PRPF18: variants seen among roughly 807,000 people sequenced by gnomAD.
PRPF18 encodes the protein pre-mRNA processing factor 18.
PRPF18 carries 38 observed loss-of-function variants against 46.5 expected under a neutral mutation model. The observed-to-expected ratio is 0.82, with a 90% CI of 0.63 to 1.07. The LOEUF (loss-of-function observed/expected upper bound fraction) is 1.07, where lower values mean the gene tolerates loss of function less well. Among genes scored for constraint, PRPF18 ranks in the 50% least tolerant of loss-of-function variants. The pLI, the probability that PRPF18 is intolerant of heterozygous loss-of-function variation, is 0.00. For missense variants in PRPF18, 263 were observed against 410.0 expected, an observed-to-expected ratio of 0.64 and a Z score of 3.10; for synonymous variants, 152 against 146.7, an observed-to-expected ratio of 1.04 and a Z score of -0.26.
At chr10:13,634,829 G>A (rs2134149836), downstream of PRPF18, among the ~76,000 whole-genome samples, 1 of 152,166 alleles carries the variant, frequency 6.6e-6, no homozygotes, top group South Asian at 2.1e-4. Flanking sequence ...AAAATTGGTT[G>A]ACAACTCATT....
At chr10:13,587,435 G>A (rs924958659) in intron 1 of PRPF18, among the ~76,000 whole-genome samples, 2 of 152,220 alleles carry the variant, frequency 1.3e-5, no homozygotes, top group African/African-American at 2.4e-5. Context: ...GGAACCTGAG[G>A]CCAATTAACG....
At chr10:13,602,511 T>C (rs1329427239) in intron 3 of PRPF18, among the ~76,000 whole-genome samples, 1 of 131,396 alleles carries the variant, frequency 7.6e-6, no homozygotes, top group African/African-American at 2.6e-5. Flanking sequence ...TTTCATTATG[T>C]TTTTTTTTTT....
rs2080303878 is a variant in PRPF18 at position 13,613,817 on chromosome 10, A to G, written c.656A>G (p.Asn219Ser). 6.2e-7 allele frequency: 1 copy of G among 1,614,048 alleles called. No homozygotes were observed. The highest frequency in any genetic ancestry group is 1.7e-5 in the Admixed American group (1 of 59,988). The change falls in exon 7 of 10, where the codon AAC (asparagine) becomes AGC (serine). Residue 219 changes from asparagine (N) to serine (S), a missense_variant. Coordinates refer to ENST00000378572, the MANE Select transcript of PRPF18 (RefSeq NM_003675.4). ...AAACGCAGTGTGCAGGGTAAACTGA[A>G]CAGTGCGACCCAGAAACAGACCGAG... ...YVKRSVQGKL[N>S]SATQKQTESY...
At chr10:13,624,922 T>C (rs2080477312) in intron 9 of PRPF18, among the ~76,000 whole-genome samples, 1 of 152,120 alleles carries the variant, frequency 6.6e-6, no homozygotes, top group Non-Finnish European at 1.5e-5. Flanking sequence ...CTAAGATTCA[T>C]CAGACATTTG....
chr10:13,651,757 CAT>C, the PRPF18 span: 3 of 629,960 alleles, frequency 4.8e-6, no homozygotes, highest in Non-Finnish European at 5.8e-6. Flanking sequence ...CAGCTAAAAA[CAT>C]AGTTCCAGTT....
At chr10:13,604,479 T>C (rs2080157508) in intron 3 of PRPF18, among the ~76,000 whole-genome samples, 1 of 152,214 alleles carries the variant, frequency 6.6e-6, no homozygotes, top group African/African-American at 2.4e-5. Flanking sequence ...GGAAATAGAT[T>C]TTCAGCATCT....
rs758454254 is a variant in PRPF18 at position 13,587,160 on chromosome 10, C to T, written c.66+8C>T. 2.5e-6 allele frequency: 4 copies of T among 1,611,926 alleles called. No homozygotes were observed. Among genetic ancestry groups the T allele is most frequent in the African/African-American group, 1.3e-5 (1 of 74,966 alleles). On this transcript the variant is annotated splice_region_variant and intron_variant, in intron 1 of 9. Transcript: ENST00000378572. ...GACAGGAACCTGCTGGTGGTGAGGA[C>T]CCTGCGGTCGTGGGGGTCGGGATGT...
intron 9 of PRPF18, among the ~76,000 whole-genome samples, chr10:13,619,562 A>C (rs1263830987): frequency 1.3e-5 from 2 of 152,188 alleles, no homozygotes; most frequent in Non-Finnish European, 2.9e-5. Flanking sequence ...GTTTCAACTC[A>C]TGCGCCCAAG....
the PRPF18 span, chr10:13,646,009 G>T: frequency 6.6e-6 from 1 of 152,382 alleles, no homozygotes; most frequent in East Asian, 1.9e-4. Flanking sequence ...TCTTGGGCTC[G>T]GCTGAACCCC....
In PRPF18 at chr10:13,596,798, C is replaced by A. The variant is rs567577987; in HGVS notation, c.67-660C>A. Among the ~76,000 whole-genome samples the A allele has an allele frequency of 2.0e-5, 3 of 152,172 alleles. No homozygotes were observed. The South Asian group carries it at 6.2e-4, about 32-fold the overall frequency. On this transcript the variant is annotated intron_variant, in intron 1 of 9. Transcript: ENST00000378572. ...TGAACCCAGGGAGTCGAAGTTGTGG[C>A]CTTGATTGTGCCACTCCACTCCAGC...
At chr10:13,590,360 C>A (rs2079940862) in intron 1 of PRPF18, among the ~76,000 whole-genome samples, 1 of 150,798 alleles carries the variant, frequency 6.6e-6, no homozygotes, top group Non-Finnish European at 1.5e-5. Flanking sequence ...AATCCCAGCA[C>A]TTTGGGAGCC....
chr10:13,616,582 C>T (rs1376018972), intron 9 of PRPF18, 29 bp downstream of exon 9: 2 of 1,609,482 alleles, frequency 1.2e-6, no homozygotes, highest in Non-Finnish European at 1.7e-6. Flanking sequence ...CGGGAATTGC[C>T]CTGGAAGTGA....
intron 9 of PRPF18, among the ~76,000 whole-genome samples, chr10:13,620,108 A>G (rs2080401379): frequency 6.6e-6 from 1 of 152,188 alleles, no homozygotes; most frequent in Non-Finnish European, 1.5e-5. Flanking sequence ...TTCTCCTAAA[A>G]AAAAGACAAT....
At chr10:13,590,003 G>C (rs2079933978) in intron 1 of PRPF18, among the ~76,000 whole-genome samples, 1 of 151,918 alleles carries the variant, frequency 6.6e-6, no homozygotes, top group Non-Finnish European at 1.5e-5. Flanking sequence ...AAATCTAAGT[G>C]CTTTAAAGGG....
At chr10:13,601,161 T>C (rs927599164) in intron 3 of PRPF18, among the ~76,000 whole-genome samples, 2 of 152,240 alleles carry the variant, frequency 1.3e-5, no homozygotes, top group South Asian at 4.1e-4. Context: ...AACATCCTTA[T>C]GTAGACATCA....
chr10:13,623,862 C>T (rs1372239493), intron 9 of PRPF18, among the ~76,000 whole-genome samples: 2 of 152,170 alleles, frequency 1.3e-5, no homozygotes, highest in Non-Finnish European at 2.9e-5. Flanking sequence ...ATATCTGTAT[C>T]TGATATTTGT....
At chr10:13,632,255 G>A (rs2080596800), downstream of PRPF18, among the ~76,000 whole-genome samples, 1 of 151,992 alleles carries the variant, frequency 6.6e-6, no homozygotes, top group Admixed American at 6.5e-5. Flanking sequence ...GCAGGAGAAT[G>A]GCGTGAACCC....
At chr10:13,599,835 A>G (rs1393683139) in intron 2 of PRPF18, among the ~76,000 whole-genome samples, 1 of 152,248 alleles carries the variant, frequency 6.6e-6, no homozygotes, top group African/African-American at 2.4e-5. Flanking sequence ...TTTTATCTTC[A>G]TTTTGAAGCC....
At position 13,616,389 on chromosome 10, in the gene PRPF18, T is replaced by C. The variant is rs1286681679; in HGVS notation, c.793-9T>C. The C allele has an allele frequency of 6.3e-7, 1 of 1,598,492 alleles. No homozygotes were observed. The highest frequency in any genetic ancestry group is 1.7e-5 in the Admixed American group (1 of 57,352). ...GCCTTTCTGATTTCTTCTTACACTT[T>C]CCTTTCAGGCAAATGATGCTTATCT... On this transcript the variant is annotated splice_polypyrimidine_tract_variant and intron_variant, in intron 8 of 9. Transcript: ENST00000378572.
Sources: gnomAD v4.1 joint callset for allele counts (sites outside exome capture counted in the v4.1 genomes callset) on GRCh38, gnomAD v4.1.1 for gene constraint, MANE v1.5 for transcripts, NCBI Gene and HGNC (gene_info 2026-07-23, HGNC 2026-07-21) for gene names.